The following GTF2F2 variants were observed in gnomAD, a reference collection of about 807,000 sequenced individuals.
GTF2F2 encodes general transcription factor IIF subunit 2, also known as ATP-dependent helicase GTF2F2.
A neutral mutation model predicts 42.2 loss-of-function variants in GTF2F2; 23 were observed. The observed-to-expected ratio is 0.55, with a 90% confidence interval of 0.39 to 0.77. GTF2F2 has a LOEUF of 0.77. Among genes scored for constraint, GTF2F2 ranks in the 30% least tolerant of loss-of-function variants. The probability of loss-of-function intolerance (pLI) is 0.00; values close to 1 mark genes in which losing one functional copy is unlikely to be tolerated. For missense variants in GTF2F2, 261 were observed against 287.2 expected, an observed-to-expected ratio of 0.91 and a Z score of 0.66; for synonymous variants, 105 against 100.8, an observed-to-expected ratio of 1.04 and a Z score of -0.25.
At chr13:45,226,346 A>C (rs943753061) in intron 5 of GTF2F2, among the ~76,000 whole-genome samples, 1 of 152,164 alleles carries the variant, frequency 6.6e-6, no homozygotes, top group Non-Finnish European at 1.5e-5. Flanking sequence ...CCCCATCAGC[A>C]TATCTTAGAG....
Position 45,251,620 on chromosome 13 carries a change from G to A in GTF2F2, c.387-1251G>A, listed in dbSNP as rs1593519068. 2.6e-5 allele frequency among the ~76,000 whole-genome samples: 4 copies of A among 151,450 alleles called. No homozygotes were observed. In the South Asian group the frequency reaches 6.3e-4, roughly 24 times the overall value. ...AACTGCCTTTTTTTTTTAATTAAAG[G>A]CAATTTTCTAACATCGTTTTCAATT... On this transcript the variant is annotated intron_variant, in intron 5 of 7. Transcript: ENST00000340473.
At chr13:45,229,956 C>A (rs548560113) in intron 5 of GTF2F2, among the ~76,000 whole-genome samples, 8 of 152,014 alleles carry the variant, frequency 5.3e-5, no homozygotes, top group Non-Finnish European at 1.2e-4. Context: ...TGACTCACAC[C>A]TGTAATCCCA....
rs901785963 is a variant in GTF2F2, at chr13:45,215,653, C to T, written c.386+8148C>T. 2.6e-5 allele frequency among the ~76,000 whole-genome samples: 4 copies of T among 151,104 alleles called. No homozygotes were observed. The South Asian group carries it at 6.3e-4, about 24-fold the overall frequency. ...GCAGGTGCCTGTAATCCCAACTACTCGGGAGGCTGAGGCAGAAGAATCACT... is the reference window on the plus strand; with the variant it reads ...GCAGGTGCCTGTAATCCCAACTACTTGGGAGGCTGAGGCAGAAGAATCACT... On this transcript the variant is annotated intron_variant, in intron 5 of 7. Transcript: ENST00000340473.
intron 4 of GTF2F2, among the ~76,000 whole-genome samples, chr13:45,189,540 T>G (rs1405338702): frequency 6.6e-6 from 1 of 152,244 alleles, no homozygotes; most frequent in Admixed American, 6.5e-5. Context: ...GCATTCCTAT[T>G]TCTTCACATC....
intron 4 of GTF2F2, among the ~76,000 whole-genome samples, chr13:45,152,627 G>T (rs1025828034): frequency 3.3e-5 from 5 of 152,150 alleles, no homozygotes; most frequent in Non-Finnish European, 7.4e-5. Context: ...ACTTTTAATT[G>T]ACACTGGCTT....
At chr13:45,272,574 C>T (rs1182999672) in intron 7 of GTF2F2, among the ~76,000 whole-genome samples, 1 of 151,328 alleles carries the variant, frequency 6.6e-6, no homozygotes, top group Non-Finnish European at 1.5e-5. Context: ...GAAACCCCAA[C>T]TCTACAAAAA....
chr13:45,195,709 G>C (rs1872857857), intron 4 of GTF2F2, among the ~76,000 whole-genome samples: 1 of 152,116 alleles, frequency 6.6e-6, no homozygotes. Flanking sequence ...TTCACTTCTA[G>C]CATTTAAAGG....
intron 4 of GTF2F2, among the ~76,000 whole-genome samples, chr13:45,205,711 G>A (rs949834372): frequency 2.0e-5 from 3 of 151,978 alleles, no homozygotes; most frequent in Non-Finnish European, 4.4e-5. Flanking sequence ...GTAGAGACAG[G>A]GTTTCACCAT....
intron 5 of GTF2F2, among the ~76,000 whole-genome samples, chr13:45,223,262 TAA>T (rs60690884): frequency 1.4e-3 from 136 of 96,302 alleles, no homozygotes; most frequent in Middle Eastern, 6.8e-3. Context: ...CTTGTCTCAA[TAA>T]AAAAAAAAAA....
chr13:45,259,357 C>T (rs765481930), intron 6 of GTF2F2, among the ~76,000 whole-genome samples: 13 of 152,002 alleles, frequency 8.6e-5, no homozygotes, highest in Admixed American at 2.0e-4. Context: ...ACCCGGGAGG[C>T]GGAGGTTGCA....
chr13:45,280,782 T>A (rs1160435060), intron 7 of GTF2F2, among the ~76,000 whole-genome samples: 1 of 152,222 alleles, frequency 6.6e-6, no homozygotes, highest in Non-Finnish European at 1.5e-5. Flanking sequence ...TGGGCCTAGA[T>A]TATAAATGGG....
chr13:45,188,943 G>C (rs1360661432), intron 4 of GTF2F2, among the ~76,000 whole-genome samples: 1 of 151,030 alleles, frequency 6.6e-6, no homozygotes, highest in Non-Finnish European at 1.5e-5. Context: ...TAGGGTACAT[G>C]TGCACAATGT....
chr13:45,128,065 AT>A (rs1306739681), intron 1 of GTF2F2, among the ~76,000 whole-genome samples: 10 of 138,058 alleles, frequency 7.2e-5, no homozygotes, highest in African/African-American at 2.7e-4. Flanking sequence ...GATTCACGCC[AT>A]TCTTCTGCCT....
At chr13:45,131,010 T>C (rs1869314281) in intron 1 of GTF2F2, among the ~76,000 whole-genome samples, 1 of 152,110 alleles carries the variant, frequency 6.6e-6, no homozygotes, top group Non-Finnish European at 1.5e-5. Flanking sequence ...CCCAGCACTT[T>C]GGGAGGCTGA....
At chr13:45,194,935 AT>A (rs563341354) in intron 4 of GTF2F2, among the ~76,000 whole-genome samples, 28 of 152,356 alleles carry the variant, frequency 1.8e-4, no homozygotes, top group Admixed American at 3.3e-4. Flanking sequence ...ATGTTTAACT[AT>A]TTCTAAATGC....
chr13:45,212,447 G>GTTTCTTTCTTTTCTTTTCTTTCTTTC (rs765065810), intron 5 of GTF2F2, among the ~76,000 whole-genome samples: 1 of 45,678 alleles, frequency 2.2e-5, no homozygotes, highest in Non-Finnish European at 4.3e-5. Context: ...TTTCTTTCTT[G>GTTTCTTTCTTTTCTTTTCTTTCTTTC]TTTCTTTCTT....
At chr13:45,247,614 G>A (rs1483510321) in intron 5 of GTF2F2, among the ~76,000 whole-genome samples, 3 of 151,912 alleles carry the variant, frequency 2.0e-5, no homozygotes, top group Non-Finnish European at 4.4e-5. Flanking sequence ...GGATGGTCTC[G>A]ATCTGACCTC....
intron 4 of GTF2F2, among the ~76,000 whole-genome samples, chr13:45,170,693 A>G (rs966180906): frequency 1.3e-5 from 2 of 152,194 alleles, no homozygotes; most frequent in Non-Finnish European, 1.5e-5. Context: ...TGCATACAAG[A>G]AAGACTAGGG....
chr13:45,203,867 T>G (rs1265667556), intron 4 of GTF2F2, among the ~76,000 whole-genome samples: 3 of 152,174 alleles, frequency 2.0e-5, no homozygotes, highest in Non-Finnish European at 4.4e-5. Flanking sequence ...TTAAGATGAT[T>G]TATGTACCTG....
Sources: gnomAD v4.1 joint callset for allele counts (sites outside exome capture counted in the v4.1 genomes callset) on GRCh38, gnomAD v4.1.1 for gene constraint, MANE v1.5 for transcripts, NCBI Gene and HGNC (gene_info 2026-07-23, HGNC 2026-07-21) for gene names.